MAGI1: variants seen among roughly 807,000 people sequenced by gnomAD.
MAGI1 encodes the protein membrane-associated guanylate kinase, WW and PDZ domain-containing protein 1.
Under a neutral mutation model 139.9 loss-of-function variants are expected in MAGI1, and 58 were observed. That is an observed-to-expected ratio of 0.41 (90% confidence interval 0.34 to 0.52). The LOEUF (loss-of-function observed/expected upper bound fraction) is 0.52, where lower values mean the gene tolerates loss of function less well. Ranked by LOEUF, MAGI1 falls within the 20% of genes least tolerant of loss-of-function variation. MAGI1 has a pLI of 0.12. For synonymous variants in MAGI1, 812 were observed against 737.9 expected, an observed-to-expected ratio of 1.10 and a Z score of -1.63; for missense variants, 1,874 against 1,901.6, an observed-to-expected ratio of 0.99 and a Z score of 0.27.
intron 9 of MAGI1, among the ~76,000 whole-genome samples, chr3:65,438,328 T>C (rs770173458): frequency 5.9e-5 from 9 of 152,258 alleles, no homozygotes; most frequent in Middle Eastern, 3.4e-3. Context: ...CTAAATAATG[T>C]GTACTTACGG....
chr3:65,516,705 G>A (rs1051254127), intron 2 of MAGI1, among the ~76,000 whole-genome samples: 22 of 132,676 alleles, frequency 1.7e-4, no homozygotes, highest in African/African-American at 6.0e-4. Flanking sequence ...AAGAAACATA[G>A]TACATCCCAC....
intron 18 of MAGI1, among the ~76,000 whole-genome samples, chr3:65,367,276 C>G (rs1323132350): frequency 6.6e-6 from 1 of 152,172 alleles, no homozygotes; most frequent in Non-Finnish European, 1.5e-5. Flanking sequence ...CTGAGCAGAT[C>G]AGATTCCATT....
At chr3:65,627,640 T>C (rs1350470014) in intron 1 of MAGI1, among the ~76,000 whole-genome samples, 1 of 151,550 alleles carries the variant, frequency 6.6e-6, no homozygotes, top group Non-Finnish European at 1.5e-5. Context: ...CCCGAGCAGC[T>C]GGGACTACAG....
At chr3:66,023,946 T>C (rs1350080597) in intron 1 of MAGI1, among the ~76,000 whole-genome samples, 1 of 152,130 alleles carries the variant, frequency 6.6e-6, no homozygotes, top group African/African-American at 2.4e-5. Context: ...AAATATGCTC[T>C]CTCCCCAGCT....
intron 1 of MAGI1, among the ~76,000 whole-genome samples, chr3:65,835,652 C>A (rs944798400): frequency 1.3e-5 from 2 of 152,184 alleles, no homozygotes; most frequent in African/African-American, 4.8e-5. Flanking sequence ...TATTTACTTT[C>A]ATTGCCAGAT....
At chr3:65,613,341 C>T (rs1361777593) in intron 2 of MAGI1, among the ~76,000 whole-genome samples, 2 of 152,162 alleles carry the variant, frequency 1.3e-5, no homozygotes, top group Non-Finnish European at 2.9e-5. Context: ...CAATTAATGA[C>T]AGATGTTATT....
intron 1 of MAGI1, among the ~76,000 whole-genome samples, chr3:65,896,669 T>TCAAA (rs544246606): frequency 9.2e-4 from 140 of 152,114 alleles, no homozygotes; most frequent in African/African-American, 2.6e-3. Flanking sequence ...AGACCCCGTC[T>TCAAA]CAAACAAACA....
chr3:65,821,822 A>G (rs1194843792), intron 1 of MAGI1, among the ~76,000 whole-genome samples: 2 of 152,222 alleles, frequency 1.3e-5, no homozygotes, highest in East Asian at 3.9e-4. Flanking sequence ...AAGATACCAG[A>G]GGGCAGAGAG....
At chr3:65,765,923 T>C (rs1441358646) in intron 1 of MAGI1, among the ~76,000 whole-genome samples, 2 of 152,234 alleles carry the variant, frequency 1.3e-5, no homozygotes, top group African/African-American at 4.8e-5. Flanking sequence ...ACCCTGGTAG[T>C]GTCACCAAAA....
At chr3:65,627,498 T>C (rs2084039023) in intron 1 of MAGI1, among the ~76,000 whole-genome samples, 1 of 61,960 alleles carries the variant, frequency 1.6e-5, no homozygotes, top group Non-Finnish European at 3.0e-5. Context: ...TTTTTTTTTT[T>C]TTTTTTTTTT....
chr3:65,982,308 G>A (rs775166331), intron 1 of MAGI1, among the ~76,000 whole-genome samples: 32 of 152,138 alleles, frequency 2.1e-4, no homozygotes, highest in Non-Finnish European at 4.0e-4. Flanking sequence ...TCTCTTGGCC[G>A]ACATTTGGGC....
intron 6 of MAGI1, 77 bp from the exon 7 acceptor site, chr3:65,448,134 TCTC>T (rs1206049822): frequency 1.4e-5 from 18 of 1,326,194 alleles, no homozygotes; most frequent in Middle Eastern, 1.8e-4. Context: ...AGAAAGGAAA[TCTC>T]CTCAGGAAAA....
intron 2 of MAGI1, among the ~76,000 whole-genome samples, chr3:65,584,369 A>G (rs1184912069): frequency 6.6e-6 from 1 of 152,168 alleles, no homozygotes; most frequent in Non-Finnish European, 1.5e-5. Context: ...TTGGAGAAAG[A>G]AAAAAACCAG....
intron 1 of MAGI1, among the ~76,000 whole-genome samples, chr3:65,798,246 G>T (rs745899259): frequency 2.6e-5 from 4 of 151,760 alleles, no homozygotes; most frequent in Non-Finnish European, 5.9e-5. Context: ...GGAGCTTGCC[G>T]TGAGCCGAGA....
intron 2 of MAGI1, among the ~76,000 whole-genome samples, chr3:65,538,549 A>C (rs1340634841): frequency 2.0e-5 from 3 of 152,200 alleles, no homozygotes; most frequent in African/African-American, 7.2e-5. Context: ...ATTGAACTGC[A>C]ATATACCAAA....
chr3:65,721,750 G>A (rs1576882748), intron 1 of MAGI1, among the ~76,000 whole-genome samples: 1 of 152,030 alleles, frequency 6.6e-6, no homozygotes, highest in South Asian at 2.1e-4. Flanking sequence ...ATGTGACAAT[G>A]AACACTTATG....
chr3:65,386,068 G>T (rs915928592), intron 14 of MAGI1, among the ~76,000 whole-genome samples: 10 of 152,080 alleles, frequency 6.6e-5, no homozygotes, highest in African/African-American at 2.4e-4. Context: ...CCTCTGCAGA[G>T]ACTTCCAGCC....
chr3:65,977,271 C>A (rs1209249652), intron 1 of MAGI1, among the ~76,000 whole-genome samples: 1 of 152,166 alleles, frequency 6.6e-6, no homozygotes, highest in Non-Finnish European at 1.5e-5. Flanking sequence ...TTTGTTGTCA[C>A]TGTCACCCTC....
At chr3:65,358,761 T>C (rs1215364955) in intron 22 of MAGI1, among the ~76,000 whole-genome samples, 3 of 152,162 alleles carry the variant, frequency 2.0e-5, no homozygotes, top group African/African-American at 7.2e-5. Context: ...CAGGGCTCCA[T>C]GAAACAAGGT....
Sources: gnomAD v4.1 joint callset for allele counts (sites outside exome capture counted in the v4.1 genomes callset) on GRCh38, gnomAD v4.1.1 for gene constraint, MANE v1.5 for transcripts, NCBI Gene and HGNC (gene_info 2026-07-23, HGNC 2026-07-21) for gene names.